The following LAMC3 variants were observed in gnomAD, a reference collection of about 807,000 sequenced individuals.
LAMC3 encodes the protein laminin subunit gamma 3, also known as laminin subunit gamma-3.
In LAMC3, 128 loss-of-function variants were observed where a neutral mutation model predicts 173.8. The observed-to-expected ratio is 0.74, with a 90% CI of 0.64 to 0.85. The LOEUF is 0.85. Ranked by LOEUF, LAMC3 falls within the 40% of genes least tolerant of loss-of-function variation. The pLI, the probability that LAMC3 is intolerant of heterozygous loss-of-function variation, is 0.00. For missense variants in LAMC3, 2,022 were observed against 2,156.0 expected, an observed-to-expected ratio of 0.94 and a Z score of 1.23; for synonymous variants, 897 against 909.1, an observed-to-expected ratio of 0.99 and a Z score of 0.24.
At position 131,069,050 on chromosome 9, in the gene LAMC3, G is replaced by T; in HGVS notation, c.2890G>T (p.Ala964Ser). The T allele has an allele frequency of 3.1e-6, 5 of 1,613,442 alleles. No individual in the cohort carries two copies. The change falls in exon 16 of 28, where the codon GCC becomes TCC. Residue 964 changes from alanine to serine, a missense_variant and splice_region_variant. Transcript: ENST00000361069. ...CGGCTTCTCCATCAAGGGCTGCCGG[G>T]GTAAGGAGGCTGGGTCCTTCCCGGG... ...FFGFSIKGCR[A>S]CRCSPLGAAS...
chr9:131,075,874 G>A lies in LAMC3; in HGVS notation c.3538G>A (p.Ala1180Thr), dbSNP rs766323427. ...ATKIAATAWRALLASNTSYAL... is the reference protein window; with the variant it reads ...ATKIAATAWRTLLASNTSYAL... ...CAAGATCGCAGCCACTGCTTGGAGG[G>A]CCCTGCTCGCCTCCAACACCAGCTA... Residue 1180 changes from alanine to threonine, a missense_variant, in exon 21 of 28, where the codon GCC (alanine) becomes ACC (threonine). By Grantham distance (58) the Ala-to-Thr change is moderately conservative (BLOSUM62 0). Coordinates refer to ENST00000361069, the MANE Select transcript of LAMC3 (RefSeq NM_006059.4). 4 of 1,612,398 alleles carry A rather than the reference G, an allele frequency of 2.5e-6. No homozygotes were observed. Among genetic ancestry groups the A allele is most frequent in the African/African-American group, 2.7e-5 (2 of 75,024 alleles).
chr9:131,009,680 T>C lies in LAMC3; in HGVS notation c.373+93T>C. ...GGCCTGAGCTGCTGTGCGCCCAGGT[T>C]GGGCTGCAGGACCCAGATATGGTGT... On this transcript the variant is annotated intron_variant, in intron 1 of 27. Transcript: ENST00000361069. This position sits in a 1 kb window ranked among gnomAD's most constrained non-coding sequence, Gnocchi z 4.3. The C allele has an allele frequency of 3.4e-6, 5 of 1,462,202 alleles. No homozygotes were observed. Among genetic ancestry groups the C allele is most frequent in the Non-Finnish European group, 4.6e-6 (5 of 1,082,388 alleles). 90.6% of individuals were successfully genotyped at this position (1,462,202 alleles called of 1,614,324 possible). A position where few individuals can be genotyped will look rare whatever the true frequency, so the allele number is the denominator to read the frequency against.
In LAMC3 at chr9:131,029,738, G is replaced by A. The variant is rs907648032; in HGVS notation, c.679-2307G>A. 2.0e-5 allele frequency among the ~76,000 whole-genome samples: 3 copies of A among 152,150 alleles called. No homozygotes were observed. The highest frequency in any genetic ancestry group is 2.9e-5 in the Non-Finnish European group (2 of 68,028). ...GCCTAGGACTTTGGAGGAGAAGGTC[G>A]ACCTGGCTGTTGCAGAGTAAGACCG... is the stretch of plus-strand genomic sequence containing the variant. On this transcript the variant is annotated intron_variant, in intron 2 of 27. Coordinates refer to ENST00000361069, the MANE Select transcript of LAMC3 (RefSeq NM_006059.4). This position sits in a 1 kb window ranked among gnomAD's most constrained non-coding sequence, Gnocchi z 4.6.
intron 4 of LAMC3, among the ~76,000 whole-genome samples, chr9:131,038,096 C>G (rs1833977666): frequency 6.6e-6 from 1 of 152,224 alleles, no homozygotes; most frequent in African/African-American, 2.4e-5. Flanking sequence ...GTCTGCGACG[C>G]CCTTCCCGCC....
intron 12 of LAMC3, among the ~76,000 whole-genome samples, chr9:131,059,361 G>A (rs147418249): frequency 0.01 from 1,503 of 145,942 alleles, 25 homozygotes; most frequent in African/African-American, 0.035. Flanking sequence ...GCGTGGTGGC[G>A]GGTGCCTGTA....
chr9:131,079,417 G>C lies in LAMC3; in HGVS notation c.3927+119G>C, dbSNP rs553323785. ...GAGACAGAAGTAGCTCTGTCCGGCC[G>C]GGTGTAGTGGCTCACACCTGTAATC... On this transcript the variant is annotated intron_variant, in intron 23 of 27. Transcript: ENST00000361069. 7 of 1,230,606 alleles carry C rather than the reference G, an allele frequency of 5.7e-6. No individual in the cohort carries two copies. In the Admixed American group the frequency reaches 1.4e-4, roughly 25 times the overall value. The allele number at this position is 1,230,606 out of a possible 1,614,324, so 76.2% of individuals were successfully genotyped here.
intron 27 of LAMC3, among the ~76,000 whole-genome samples, chr9:131,090,791 C>G (rs1346006491): frequency 6.6e-6 from 1 of 152,240 alleles, no homozygotes; most frequent in Non-Finnish European, 1.5e-5. Context: ...CTTTGGGAGG[C>G]TGAGGCGGGC....
At position 131,070,035 on chromosome 9, in the gene LAMC3, C is replaced by T. The variant is rs1321872935; in HGVS notation, c.3069+185C>T. 2.6e-5 allele frequency among the ~76,000 whole-genome samples: 4 copies of T among 152,232 alleles called. No individual in the cohort carries two copies. The East Asian group carries it at 5.8e-4, about 22-fold the overall frequency. On this transcript the variant is annotated intron_variant, in intron 17 of 27. Coordinates refer to ENST00000361069, the MANE Select transcript of LAMC3 (RefSeq NM_006059.4). Reference sequence around the variant, plus strand: ...TTCCAGCCTGGCTCGACCCTCACCTCGGCCCTTCCCCTGCTCTAGGTGGAT... The same window carrying T: ...TTCCAGCCTGGCTCGACCCTCACCTTGGCCCTTCCCCTGCTCTAGGTGGAT...
At chr9:131,055,176 A>G (rs1311564462) in intron 11 of LAMC3, among the ~76,000 whole-genome samples, 1 of 152,154 alleles carries the variant, frequency 6.6e-6, no homozygotes, top group Non-Finnish European at 1.5e-5. Flanking sequence ...TAGGTCAAAG[A>G]GGGAGCATTT....
At chr9:131,057,790 G>A (rs1416757743) in intron 12 of LAMC3, among the ~76,000 whole-genome samples, 1 of 152,258 alleles carries the variant, frequency 6.6e-6, no homozygotes, top group African/African-American at 2.4e-5. Context: ...TTGCATAGGA[G>A]CTCAGCCATA....
chr9:131,047,629 G>T (rs910449208), intron 8 of LAMC3, among the ~76,000 whole-genome samples: 3 of 151,488 alleles, frequency 2.0e-5, no homozygotes, highest in Non-Finnish European at 4.4e-5. Flanking sequence ...GGGTGGGGGT[G>T]GGGGGAGCGG....
chr9:131,033,086 A>C (rs935978926), intron 3 of LAMC3, among the ~76,000 whole-genome samples: 10 of 152,132 alleles, frequency 6.6e-5, no homozygotes, highest in Non-Finnish European at 1.5e-5. Flanking sequence ...TGCTGTGGGC[A>C]GTTTGTTTCT....
chr9:131,032,131 C>T lies in LAMC3; in HGVS notation c.765C>T (p.Leu255=). The change falls in exon 3 of 28, where the codon CTC becomes CTT. Residue 255 remains leucine, a synonymous_variant. Transcript: ENST00000361069. ...GDDIFKDPKV[L]QSYYYAVSDF... The stretch of plus-strand genomic sequence containing the variant: ...ACATCTTCAAGGACCCCAAGGTGCT[C>T]CAGTCCTACTATTATGCCGTGTCCG... The T allele has an allele frequency of 6.2e-7, 1 of 1,614,052 alleles. No individual in the cohort carries two copies. Among genetic ancestry groups the T allele is most frequent in the Middle Eastern group, 1.6e-4 (1 of 6,062 alleles).
At position 131,026,769 on chromosome 9, in the gene LAMC3, A is replaced by G. The variant is rs1833726146; in HGVS notation, c.678+180A>G. On this transcript the variant is annotated intron_variant, in intron 2 of 27. Coordinates refer to ENST00000361069, the MANE Select transcript of LAMC3 (RefSeq NM_006059.4). The surrounding 1 kb of genome is among the most constrained non-coding windows in gnomAD (Gnocchi z 4.8). ...CTGTCGCCCAGGCTGGAGTGCAGTG[A>G]CGCGATTTCGGTTCACTGAAACCTC... Among the ~76,000 whole-genome samples, 1 of 152,070 alleles carries G rather than the reference A, an allele frequency of 6.6e-6. No individual in the cohort carries two copies. The highest frequency in any genetic ancestry group is 1.5e-5 in the Non-Finnish European group (1 of 68,000).
At chr9:131,018,759 C>T (rs183330996) in intron 1 of LAMC3, among the ~76,000 whole-genome samples, 5 of 152,346 alleles carry the variant, frequency 3.3e-5, no homozygotes, top group South Asian at 4.1e-4. Flanking sequence ...TTACTTCTCA[C>T]CACCTCCTCC....
intron 3 of LAMC3, among the ~76,000 whole-genome samples, chr9:131,032,523 T>C (rs1833847586): frequency 6.8e-6 from 1 of 147,222 alleles, no homozygotes; most frequent in South Asian, 2.1e-4. Context: ...TCTCTCTTGC[T>C]CTCTCTCGCT....
At chr9:131,050,122 C>G (rs1221191931) in intron 9 of LAMC3, among the ~76,000 whole-genome samples, 1 of 152,260 alleles carries the variant, frequency 6.6e-6, no homozygotes, top group Non-Finnish European at 1.5e-5. Context: ...AAAACTCACT[C>G]TGTTCCATGG....
chr9:131,085,668 C>G lies in LAMC3; in HGVS notation c.4175C>G (p.Ser1392Cys). Residue 1392 changes from serine to cysteine, a missense_variant, in exon 25 of 28, where the codon TCC becomes TGC. Coordinates refer to ENST00000361069, the MANE Select transcript of LAMC3 (RefSeq NM_006059.4). ...CTGGGAAACGCGGCCCCTCTTTCCT[C>G]CAGTGCCAAGAAGAAGGGCAGAGAA... ...RMLGNAAPLSSSAKKKGREAE... is the reference protein window; with the variant it reads ...RMLGNAAPLSCSAKKKGREAE... 1 of 1,614,172 alleles carries G rather than the reference C, an allele frequency of 6.2e-7. No individual in the cohort carries two copies. Among genetic ancestry groups the G allele is most frequent in the Non-Finnish European group, 8.5e-7 (1 of 1,180,036 alleles).
At chr9:131,085,344 G>A (rs1564391780) in intron 24 of LAMC3, among the ~76,000 whole-genome samples, 180 bp from the exon 25 acceptor site, 1 of 152,116 alleles carries the variant, frequency 6.6e-6, no homozygotes, top group African/African-American at 2.4e-5. Flanking sequence ...TCTGTGTCTC[G>A]CTTGCTTTTG....
Sources: allele counts gnomAD v4.1 joint callset (sites outside exome capture counted in the v4.1 genomes callset), GRCh38; gene constraint gnomAD v4.1.1; non-coding constraint Gnocchi (gnomAD v3.1); transcripts MANE v1.5; gene names NCBI Gene and HGNC (gene_info 2026-07-23, HGNC 2026-07-21).